The following CLSTN2 variants were observed in gnomAD, a reference collection of about 807,000 sequenced individuals.
The protein encoded by CLSTN2 is calsyntenin 2.
In CLSTN2, 48 loss-of-function variants were observed where a neutral mutation model predicts 101.2. That is an observed-to-expected ratio of 0.47 (90% CI 0.38 to 0.60). The LOEUF (loss-of-function observed/expected upper bound fraction) is 0.60, where lower values mean the gene tolerates loss of function less well. Ranked by LOEUF, CLSTN2 falls within the 20% of genes least tolerant of loss-of-function variation. CLSTN2 has a pLI of 0.00. For synonymous variants in CLSTN2, 481 were observed against 463.6 expected (o/e 1.04, Z -0.48); for missense variants, 1,160 against 1,238.2 (o/e 0.94, Z 0.95).
intron 2 of CLSTN2, among the ~76,000 whole-genome samples, chr3:140,387,817 G>A (rs78613695): frequency 0.038 from 5,785 of 152,244 alleles, 200 homozygotes; most frequent in African/African-American, 0.095. Context: ...CATAGTAGAC[G>A]TGGGCTACAT....
At chr3:140,318,889 A>T (rs2087256310) in intron 2 of CLSTN2, among the ~76,000 whole-genome samples, 1 of 152,196 alleles carries the variant, frequency 6.6e-6, no homozygotes, top group Non-Finnish European at 1.5e-5. Flanking sequence ...CCTGCAAAAC[A>T]ATCTGTCCTC....
At chr3:140,538,382 C>T (rs1169140176) in intron 9 of CLSTN2, among the ~76,000 whole-genome samples, 4 of 152,164 alleles carry the variant, frequency 2.6e-5, no homozygotes, top group South Asian at 4.1e-4. Context: ...ATATTAGAGC[C>T]TGTAAATAGA....
intron 8 of CLSTN2, among the ~76,000 whole-genome samples, chr3:140,486,357 C>G (rs1185400897): frequency 6.6e-6 from 1 of 152,156 alleles, no homozygotes; most frequent in African/African-American, 2.4e-5. Flanking sequence ...ATGACCATGA[C>G]TGTTAAATCC....
chr3:140,116,464 GA>G (rs1446538143), intron 1 of CLSTN2, among the ~76,000 whole-genome samples: 2 of 152,110 alleles, frequency 1.3e-5, no homozygotes, highest in Non-Finnish European at 2.9e-5. Flanking sequence ...CAGGAATCAG[GA>G]ATTTACCTTG....
chr3:140,327,572 A>G (rs958866974), intron 2 of CLSTN2, among the ~76,000 whole-genome samples: 1 of 152,188 alleles, frequency 6.6e-6, no homozygotes, highest in South Asian at 2.1e-4. Context: ...CATGCTACCT[A>G]GTATACTCAA....
rs1255445627 is a variant in CLSTN2 at position 139,935,239 on chromosome 3, C to T, written c.-136C>T. The T allele has an allele frequency of 2.5e-6, 1 of 392,822 alleles. No individual in the cohort carries two copies. Among genetic ancestry groups the T allele is most frequent in the East Asian group, 4.3e-5 (1 of 23,436 alleles). The allele number at this position is 392,822 out of a possible 1,614,324, so 24.3% of individuals were successfully genotyped here. ...CGGCGCAGCGGCGGGAACCCGAGGC[C>T]GAGCGCCGCGGCGGCAGCGCTAGAA... On this transcript the variant is annotated 5_prime_UTR_variant, in exon 1 of 17. Transcript: ENST00000458420. This position sits in a 1 kb window ranked among gnomAD's most constrained non-coding sequence, Gnocchi z 5.5.
intron 1 of CLSTN2, among the ~76,000 whole-genome samples, chr3:140,167,186 C>T (rs141061137): frequency 1.3e-5 from 2 of 152,322 alleles, no homozygotes; most frequent in African/African-American, 2.4e-5. Context: ...ATGTGAATGC[C>T]GTCTCAGTCC....
rs575339534 is a variant in CLSTN2 at position 140,229,187 on chromosome 3, G to A, written c.232+53114G>A. On this transcript the variant is annotated intron_variant, in intron 2 of 16. Transcript: ENST00000458420. ...TAGATAGCCCCAGGAAGGAGAACTA[G>A]CCACCTATCCATATCCAGGATTTCC... 1.7e-4 allele frequency among the ~76,000 whole-genome samples: 26 copies of A among 152,264 alleles called. No homozygotes were observed. In the South Asian group the frequency reaches 5.4e-3, roughly 32 times the overall value.
rs1450615272 is a variant in CLSTN2 at position 140,300,790 on chromosome 3, A to C, written c.233-102839A>C. Among the ~76,000 whole-genome samples, 6 of 150,508 alleles carry C rather than the reference A, an allele frequency of 4.0e-5. No homozygotes were observed. The Admixed American group carries it at 4.0e-4, about 10-fold the overall frequency. ...ATTAGTCAGGGTTCTCTAGAGAAGCAGTACCAGTAGGCGATATATATATAT... is the reference window on the plus strand; with the variant it reads ...ATTAGTCAGGGTTCTCTAGAGAAGCCGTACCAGTAGGCGATATATATATAT... On this transcript the variant is annotated intron_variant, in intron 2 of 16. Coordinates refer to ENST00000458420, the MANE Select transcript of CLSTN2 (RefSeq NM_022131.3).
chr3:140,544,565 C>T (rs1935549373), intron 9 of CLSTN2, among the ~76,000 whole-genome samples: 1 of 152,216 alleles, frequency 6.6e-6, no homozygotes, highest in Non-Finnish European at 1.5e-5. Context: ...TTTTAAGGAT[C>T]TCCAAATGAT....
At chr3:140,291,173 A>T (rs1349957600) in intron 2 of CLSTN2, among the ~76,000 whole-genome samples, 1 of 152,130 alleles carries the variant, frequency 6.6e-6, no homozygotes, top group Non-Finnish European at 1.5e-5. Context: ...GGATCCATGA[A>T]TTCATGTAAA....
At chr3:140,029,562 A>G (rs1326796362) in intron 1 of CLSTN2, among the ~76,000 whole-genome samples, 4 of 152,202 alleles carry the variant, frequency 2.6e-5, no homozygotes, top group Admixed American at 6.5e-5. Context: ...TGTAGCCTTC[A>G]GAGCAATCTT....
intron 8 of CLSTN2, among the ~76,000 whole-genome samples, chr3:140,469,168 C>T (rs900106776): frequency 6.6e-6 from 1 of 152,178 alleles, no homozygotes; most frequent in Non-Finnish European, 1.5e-5. Context: ...TACTCAAGGT[C>T]CTAGCTCCAA....
Position 140,570,941 on chromosome 3 carries a change from T to TAAAA in CLSTN2, c.*4690_*4691insAAAA. On this transcript the variant is annotated 3_prime_UTR_variant, in exon 17 of 17. Transcript: ENST00000458420. ...AGGAAAAAGTGCCATAGTTTTTAAT[T>TAAAA]AAGCTGTTTTAAAAGTCCATGTTCC... The TAAAA allele has an allele frequency of 6.6e-6, 1 of 152,364 alleles. No individual in the cohort carries two copies. Among genetic ancestry groups the TAAAA allele is most frequent in the Non-Finnish European group, 1.5e-5 (1 of 68,046 alleles). The allele number at this position is 152,364 out of a possible 1,614,324, so 9.4% of individuals were successfully genotyped here.
At chr3:140,400,846 G>A (rs1022760020) in intron 2 of CLSTN2, among the ~76,000 whole-genome samples, 1 of 152,188 alleles carries the variant, frequency 6.6e-6, no homozygotes, top group Non-Finnish European at 1.5e-5. Flanking sequence ...TGGGCCTGCG[G>A]TCCCTTGGAC....
intron 5 of CLSTN2, among the ~76,000 whole-genome samples, chr3:140,435,435 A>G (rs1331241415): frequency 1.3e-5 from 2 of 152,216 alleles, no homozygotes; most frequent in African/African-American, 2.4e-5. Context: ...TCCATTGTGT[A>G]TATATACCAC....
chr3:140,090,096 G>A (rs978155132), intron 1 of CLSTN2, among the ~76,000 whole-genome samples: 2 of 143,326 alleles, frequency 1.4e-5, no homozygotes, highest in Admixed American at 7.3e-5. Context: ...GAGCTGGAAT[G>A]TCTCTGGATG....
At chr3:139,967,762 T>G (rs1212457222) in intron 1 of CLSTN2, among the ~76,000 whole-genome samples, 1 of 152,210 alleles carries the variant, frequency 6.6e-6, no homozygotes, top group African/African-American at 2.4e-5. Flanking sequence ...GTTTGCTAGA[T>G]GTTTTGAAGT....
chr3:140,316,750 T>C (rs1350276587), intron 2 of CLSTN2, among the ~76,000 whole-genome samples: 2 of 152,194 alleles, frequency 1.3e-5, no homozygotes, highest in African/African-American at 4.8e-5. Context: ...GACCAGAAGC[T>C]GTAATTGCCT....
Sources: gnomAD v4.1 joint callset for allele counts (sites outside exome capture counted in the v4.1 genomes callset) on GRCh38, gnomAD v4.1.1 for gene constraint, Gnocchi (gnomAD v3.1) non-coding constraint, MANE v1.5 for transcripts, NCBI Gene and HGNC (gene_info 2026-07-23, HGNC 2026-07-21) for gene names.